The following DCC variants were observed in gnomAD, a reference collection of about 807,000 sequenced individuals.
The protein encoded by DCC is DCC netrin 1 receptor.
A neutral mutation model predicts 172.5 loss-of-function variants in DCC; 58 were observed. That is an observed-to-expected ratio of 0.34 (90% CI 0.27 to 0.42). The LOEUF is 0.42. Among genes scored for constraint, DCC ranks in the 10% least tolerant of loss-of-function variants. DCC has a pLI of 1.00. For missense variants in DCC, 1,740 were observed against 1,791.0 expected, an observed-to-expected ratio of 0.97 and a Z score of 0.51; for synonymous variants, 709 against 644.5, an observed-to-expected ratio of 1.10 and a Z score of -1.52.
At chr18:53,073,954 A>G (rs1386616212) in intron 7 of DCC, among the ~76,000 whole-genome samples, 1 of 151,744 alleles carries the variant, frequency 6.6e-6, no homozygotes, top group Non-Finnish European at 1.5e-5. Flanking sequence ...CTACATGTTG[A>G]TTCTGACATA....
intron 1 of DCC, among the ~76,000 whole-genome samples, chr18:52,386,992 C>G (rs990185341): frequency 2.0e-5 from 3 of 151,994 alleles, no homozygotes; most frequent in African/African-American, 7.3e-5. Flanking sequence ...ATTTGAAGAA[C>G]AAAATGAAGC....
chr18:52,989,727 T>C (rs1372418551), intron 5 of DCC, among the ~76,000 whole-genome samples: 1 of 152,138 alleles, frequency 6.6e-6, no homozygotes, highest in East Asian at 1.9e-4. Context: ...TTTACAGGAA[T>C]GGTAAAAGTT....
At chr18:52,435,911 A>G (rs933486321) in intron 1 of DCC, among the ~76,000 whole-genome samples, 1 of 152,042 alleles carries the variant, frequency 6.6e-6, no homozygotes, top group Admixed American at 6.5e-5. Flanking sequence ...AATATACACA[A>G]TCCTGCCCGC....
intron 1 of DCC, among the ~76,000 whole-genome samples, chr18:52,601,677 C>T (rs965340777): frequency 2.0e-5 from 3 of 152,050 alleles, no homozygotes; most frequent in Non-Finnish European, 2.9e-5. Flanking sequence ...AACCCTCTCT[C>T]CTACATATTA....
At chr18:52,538,907 A>G (rs537526858) in intron 1 of DCC, among the ~76,000 whole-genome samples, 3 of 152,364 alleles carry the variant, frequency 2.0e-5, no homozygotes, top group South Asian at 4.1e-4. Context: ...GAATAAATAA[A>G]TGAATGAGTG....
At chr18:52,594,435 C>G (rs2033866208) in intron 1 of DCC, among the ~76,000 whole-genome samples, 1 of 152,108 alleles carries the variant, frequency 6.6e-6, no homozygotes, top group South Asian at 2.1e-4. Context: ...ATATTAGTGA[C>G]CTGCTGACTT....
At chr18:53,012,914 G>T (rs1000784975) in intron 5 of DCC, among the ~76,000 whole-genome samples, 1 of 152,056 alleles carries the variant, frequency 6.6e-6, no homozygotes, top group African/African-American at 2.4e-5. Flanking sequence ...GTGGGCAAAG[G>T]ATATGAACAG....
chr18:53,440,448 C>T (rs1207675730), intron 22 of DCC, among the ~76,000 whole-genome samples: 1 of 150,614 alleles, frequency 6.6e-6, no homozygotes, highest in African/African-American at 2.4e-5. Flanking sequence ...ATTAAGTGCT[C>T]TATAAAATTT....
At chr18:52,551,757 C>CACACACACACACAT (rs1555696375) in intron 1 of DCC, among the ~76,000 whole-genome samples, 2 of 139,420 alleles carry the variant, frequency 1.4e-5, no homozygotes, top group Non-Finnish European at 3.1e-5. Flanking sequence ...CACACACACA[C>CACACACACACACAT]ACACACACAC....
chr18:53,078,760 A>G (rs2144128259), intron 7 of DCC, among the ~76,000 whole-genome samples: 1 of 152,268 alleles, frequency 6.6e-6, no homozygotes, highest in Non-Finnish European at 1.5e-5. Flanking sequence ...TCTATAGGTG[A>G]CCCTAACTTT....
At position 52,426,775 on chromosome 18, in the gene DCC, G is replaced by A. The variant is rs556169495; in HGVS notation, c.91+85897G>A. 2.6e-3 allele frequency among the ~76,000 whole-genome samples: 369 copies of A among 142,978 alleles called. 2 individuals carry two copies. Among genetic ancestry groups the A allele is most frequent in the African/African-American group, 9.8e-3 (362 of 37,038 alleles). 93.8% of individuals were successfully genotyped at this position (142,978 alleles called of 152,430 possible). ...CAATTTTATATTACTTTTTCAAATGGCATGTGGAATGTGGCATTATTTTTT... is the reference window on the plus strand; with the variant it reads ...CAATTTTATATTACTTTTTCAAATGACATGTGGAATGTGGCATTATTTTTT... On this transcript the variant is annotated intron_variant, in intron 1 of 28. Coordinates refer to ENST00000442544, the MANE Select transcript of DCC (RefSeq NM_005215.4).
chr18:52,485,554 G>A (rs948594), intron 1 of DCC, among the ~76,000 whole-genome samples: 31,535 of 152,024 alleles, frequency 0.21, 4,150 homozygotes, highest in Non-Finnish European at 0.29. Flanking sequence ...CTGTGTACTG[G>A]CATCAACAGC....
chr18:52,431,441 C>T (rs768577191), intron 1 of DCC, among the ~76,000 whole-genome samples: 3 of 151,924 alleles, frequency 2.0e-5, no homozygotes, highest in East Asian at 1.9e-4. Flanking sequence ...ATATATTTGT[C>T]GAGAATCCAA....
intron 2 of DCC, among the ~76,000 whole-genome samples, chr18:52,865,776 AT>A (rs2039217854): frequency 6.6e-6 from 1 of 151,866 alleles, no homozygotes; most frequent in African/African-American, 2.4e-5. Flanking sequence ...AGATTGCAAA[AT>A]TTTTCTCCCA....
intron 1 of DCC, among the ~76,000 whole-genome samples, chr18:52,660,466 A>G (rs2035338559): frequency 1.3e-5 from 2 of 152,138 alleles, no homozygotes; most frequent in South Asian, 4.1e-4. Flanking sequence ...AGTCACTTGT[A>G]TGACTGCCTT....
intron 1 of DCC, among the ~76,000 whole-genome samples, chr18:52,479,677 A>G (rs1326805446): frequency 6.6e-6 from 1 of 150,744 alleles, no homozygotes; most frequent in Non-Finnish European, 1.5e-5. Context: ...TAGCTAATCC[A>G]TTCAAGTGTA....
chr18:53,358,158 T>A (rs556379292), intron 15 of DCC, among the ~76,000 whole-genome samples: 51 of 152,128 alleles, frequency 3.4e-4, no homozygotes, highest in Non-Finnish European at 6.6e-4. Flanking sequence ...GAAAAATATA[T>A]CTTGTTTTTT....
At chr18:53,382,105 C>CACACACACACACACA (rs1555661810) in intron 15 of DCC, among the ~76,000 whole-genome samples, 1 of 51,774 alleles carries the variant, frequency 1.9e-5, no homozygotes, top group African/African-American at 4.3e-5. Flanking sequence ...CACACACACA[C>CACACACACACACACA]CCCTACCTCC....
chr18:52,916,209 CT>C (rs10593227), intron 3 of DCC, among the ~76,000 whole-genome samples: 71,205 of 146,856 alleles, frequency 0.48, 17,253 homozygotes, highest in South Asian at 0.71. Flanking sequence ...AATTAGCTAC[CT>C]TTTTTTTTTT....
Sources: allele counts gnomAD v4.1 joint callset (sites outside exome capture counted in the v4.1 genomes callset), GRCh38; gene constraint gnomAD v4.1.1; transcripts MANE v1.5; gene names NCBI Gene and HGNC (gene_info 2026-07-23, HGNC 2026-07-21).